The following TEX2 variants were observed in gnomAD, a reference collection of about 807,000 sequenced individuals.
TEX2 encodes the protein testis expressed 2.
A neutral mutation model predicts 106.9 loss-of-function variants in TEX2; 53 were observed. The ratio of observed to expected loss-of-function variants is 0.50; its 90% CI spans 0.40 to 0.62. The LOEUF is 0.62. TEX2 is among the 20% of genes least tolerant of loss of function. The pLI, the probability that TEX2 is intolerant of heterozygous loss-of-function variation, is 0.00. For synonymous variants in TEX2, 523 were observed against 534.8 expected, an observed-to-expected ratio of 0.98 and a Z score of 0.30; for missense variants, 1,207 against 1,379.0, an observed-to-expected ratio of 0.88 and a Z score of 1.98.
chr17:64,209,168 G>A (rs1167925907), intron 2 of TEX2, among the ~76,000 whole-genome samples: 1 of 152,150 alleles, frequency 6.6e-6, no homozygotes, highest in African/African-American at 2.4e-5. Flanking sequence ...GTAAACTTGG[G>A]TCCTAAAGTT....
chr17:64,191,006 G>A lies in TEX2; in HGVS notation c.2176+2553C>T, dbSNP rs564424159. Among the ~76,000 whole-genome samples the A allele has an allele frequency of 2.6e-5, 4 of 152,334 alleles. No homozygotes were observed. In the East Asian group the frequency reaches 7.7e-4, roughly 29 times the overall value. ...CCTACCTTCACGGCTGACCACCTAT[G>A]TAGTCACTGATTCAGAGATGGTTTT... is the stretch of plus-strand genomic sequence containing the variant. On this transcript the variant is annotated intron_variant, in intron 4 of 11. Transcript: ENST00000584379.
Position 64,205,428 on chromosome 17 carries a change from G to C in TEX2, c.1644+7146C>G, listed in dbSNP as rs1227185583. Among the ~76,000 whole-genome samples, 1 of 152,100 alleles carries C rather than the reference G, an allele frequency of 6.6e-6. No homozygotes were observed. Among genetic ancestry groups the C allele is most frequent in the African/African-American group, 2.4e-5 (1 of 41,418 alleles). On this transcript the variant is annotated intron_variant, in intron 2 of 11. Transcript: ENST00000584379. This position sits in a 1 kb window ranked among gnomAD's most constrained non-coding sequence, Gnocchi z 4.0. ...AAAAACTCAGGTAACCCATTATAGG[G>C]GCAGGATATTTTCAGTAAAGTATAA...
intron 1 of TEX2, among the ~76,000 whole-genome samples, chr17:64,258,378 T>C (rs981896396): frequency 6.6e-6 from 1 of 152,176 alleles, no homozygotes; most frequent in African/African-American, 2.4e-5. Flanking sequence ...AAGCCAGTAT[T>C]CTAGGCCCAG....
chr17:64,193,463 G>GCTTGGTTC, intron 4 of TEX2, 96 bp downstream of exon 4: 1 of 993,954 alleles, frequency 1.0e-6, no homozygotes, highest in Non-Finnish European at 1.4e-6. Flanking sequence ...TTCAGGGTGG[G>GCTTGGTTC]CTTCCTTCCT....
chr17:64,225,615 G>A (rs1241325675), intron 1 of TEX2, among the ~76,000 whole-genome samples: 1 of 152,206 alleles, frequency 6.6e-6, no homozygotes, highest in African/African-American at 2.4e-5. Flanking sequence ...ATGAATGCCT[G>A]GAAGCCAAGA....
chr17:64,203,501 G>A (rs1567938700), intron 2 of TEX2, among the ~76,000 whole-genome samples: 1 of 152,128 alleles, frequency 6.6e-6, no homozygotes, highest in Non-Finnish European at 1.5e-5. Flanking sequence ...CTTTTTTGAT[G>A]TATTAATGGT....
At chr17:64,179,808 A>G (rs1422978953) in intron 5 of TEX2, among the ~76,000 whole-genome samples, 1 of 152,002 alleles carries the variant, frequency 6.6e-6, no homozygotes, top group Non-Finnish European at 1.5e-5. Flanking sequence ...CATGCTGGTC[A>G]GCCCATTTCA....
chr17:64,224,994 A>G (rs1242014490), intron 1 of TEX2, among the ~76,000 whole-genome samples: 1 of 152,192 alleles, frequency 6.6e-6, no homozygotes, highest in Non-Finnish European at 1.5e-5. Context: ...TCAGAAAATG[A>G]CATCAATATG....
intron 3 of TEX2, among the ~76,000 whole-genome samples, chr17:64,194,328 T>C (rs2032394492): frequency 6.6e-6 from 1 of 152,226 alleles, no homozygotes; most frequent in Admixed American, 6.5e-5. Flanking sequence ...ATATAAAAAC[T>C]ATTTTAAGTA....
chr17:64,213,792 C>T lies in TEX2; in HGVS notation c.426G>A (p.Gly142=). ...ACACACTGGGAGAGCTAGCTAAGGG[C>T]CCCGACGAAGACGACCCTGGGGACA... ...LAVSPGSSSS[G]PLASSPSVSS... The change falls in exon 2 of 12, where the codon GGG becomes GGA. Residue 142 remains glycine, a synonymous_variant. Coordinates refer to ENST00000584379, the MANE Select transcript of TEX2 (RefSeq NM_001288732.2). The surrounding 1 kb of genome is among the most constrained non-coding windows in gnomAD (Gnocchi z 4.4). The T allele has an allele frequency of 6.2e-7, 1 of 1,614,142 alleles. No individual in the cohort carries two copies. The highest frequency in any genetic ancestry group is 8.5e-7 in the Non-Finnish European group (1 of 1,180,026).
chr17:64,255,485 T>C (rs2034167064), intron 1 of TEX2, among the ~76,000 whole-genome samples: 1 of 152,252 alleles, frequency 6.6e-6, no homozygotes, highest in Non-Finnish European at 1.5e-5. Context: ...GGAACAAGAT[T>C]AGCAAAAGTT....
At position 64,217,705 on chromosome 17, in the gene TEX2, G is replaced by A. The variant is rs2033226078; in HGVS notation, c.-25-3463C>T. 6.6e-6 allele frequency among the ~76,000 whole-genome samples: 1 copy of A among 152,168 alleles called. No individual in the cohort carries two copies. Among genetic ancestry groups the A allele is most frequent in the South Asian group, 2.1e-4 (1 of 4,834 alleles). ...TACCCAGGCTCAAAAAAAGAGACAA[G>A]CTTCTCTCAAGCCCTCAGGAACTGA... is the stretch of plus-strand genomic sequence containing the variant. On this transcript the variant is annotated intron_variant, in intron 1 of 11. Coordinates refer to ENST00000584379, the MANE Select transcript of TEX2 (RefSeq NM_001288732.2). The surrounding 1 kb of genome is among the most constrained non-coding windows in gnomAD (Gnocchi z 4.3).
chr17:64,184,471 C>G (rs1405028173), intron 5 of TEX2, among the ~76,000 whole-genome samples: 2 of 152,076 alleles, frequency 1.3e-5, no homozygotes, highest in African/African-American at 2.4e-5. Context: ...TTTCTAGGTA[C>G]CAGTCCTTTA....
intron 1 of TEX2, among the ~76,000 whole-genome samples, chr17:64,226,955 C>CG: frequency 6.6e-6 from 1 of 152,052 alleles, no homozygotes; most frequent in Non-Finnish European, 1.5e-5. Flanking sequence ...AGGCTGGGCA[C>CG]GGGGGCTCAC....
At chr17:64,224,923 T>C (rs2033463054) in intron 1 of TEX2, among the ~76,000 whole-genome samples, 1 of 151,746 alleles carries the variant, frequency 6.6e-6, no homozygotes, top group Admixed American at 6.6e-5. Flanking sequence ...CTGTGGAGGT[T>C]TATAAAAAAT....
chr17:64,233,822 C>A (rs1555634844), intron 1 of TEX2, among the ~76,000 whole-genome samples: 1 of 152,158 alleles, frequency 6.6e-6, no homozygotes, highest in Admixed American at 6.5e-5. Context: ...TCTGAAGAAT[C>A]AGAAATGGGC....
At chr17:64,209,712 C>G (rs571452910) in intron 2 of TEX2, among the ~76,000 whole-genome samples, 20 of 152,352 alleles carry the variant, frequency 1.3e-4, no homozygotes, top group Non-Finnish European at 2.4e-4. Context: ...TGGGCAATAA[C>G]TTAACTTCTG....
At chr17:64,241,748 T>G (rs1555635804) in intron 1 of TEX2, among the ~76,000 whole-genome samples, 2 of 152,156 alleles carry the variant, frequency 1.3e-5, no homozygotes, top group East Asian at 3.8e-4. Context: ...ATCCTCCTAC[T>G]CAGCCTTCTG....
Position 64,149,562 on chromosome 17 carries a change from C to T in TEX2, c.3262-471G>A, listed in dbSNP as rs1258225777. On this transcript the variant is annotated intron_variant, in intron 11 of 11. Transcript: ENST00000584379. Reference sequence around the variant, plus strand: ...TGGGAGGCCAAGGCAGGCAGATCATCTGAGGTCCAGAGTTCAAGACCAGCC... The same window carrying T: ...TGGGAGGCCAAGGCAGGCAGATCATTTGAGGTCCAGAGTTCAAGACCAGCC... The T allele has an allele frequency of 2.0e-5, 3 of 153,796 alleles. No homozygotes were observed. In the Admixed American group the frequency reaches 2.0e-4, roughly 10 times the overall value. The allele number at this position is 153,796 out of a possible 1,614,324, so 9.5% of individuals were successfully genotyped here. A position where few individuals can be genotyped will look rare whatever the true frequency, so the allele number is the denominator to read the frequency against.
Sources: gnomAD v4.1 joint callset for allele counts (sites outside exome capture counted in the v4.1 genomes callset) on GRCh38, gnomAD v4.1.1 for gene constraint, Gnocchi (gnomAD v3.1) non-coding constraint, MANE v1.5 for transcripts, NCBI Gene and HGNC (gene_info 2026-07-23, HGNC 2026-07-21) for gene names.